The following SEC24C variants were observed in gnomAD, a reference collection of about 807,000 sequenced individuals.
SEC24C encodes the protein SEC24 homolog C, COPII component.
SEC24C carries 22 observed loss-of-function variants against 117.0 expected under a neutral mutation model. The ratio of observed to expected loss-of-function variants is 0.19; its 90% CI spans 0.13 to 0.27. The LOEUF is 0.27. Ranked by LOEUF, SEC24C falls within the 10% of genes least tolerant of loss-of-function variation. The pLI is 1.00. For synonymous variants in SEC24C, 506 were observed against 529.4 expected (o/e 0.96, Z 0.61); for missense variants, 1,155 against 1,375.1 (o/e 0.84, Z 2.53).
chr10:73,754,481 T>C (rs1473322694), intron 3 of SEC24C, among the ~76,000 whole-genome samples: 7 of 152,282 alleles, frequency 4.6e-5, no homozygotes, highest in Admixed American at 3.9e-4. Flanking sequence ...TCCAATTCTA[T>C]TGATTCCACC....
Position 73,758,890 on chromosome 10 carries a change from T to C in SEC24C, c.309-732T>C, listed in dbSNP as rs926555505. Reference sequence around the variant, plus strand: ...GTGTGTGTGAGATGTTTGTATGTTTTTGTGCTGATGGGAATAATCAGAGAG... The same window carrying C: ...GTGTGTGTGAGATGTTTGTATGTTTCTGTGCTGATGGGAATAATCAGAGAG... On this transcript the variant is annotated intron_variant, in intron 3 of 22. Transcript: ENST00000345254. 4.6e-5 allele frequency among the ~76,000 whole-genome samples: 7 copies of C among 152,214 alleles called. No homozygotes were observed. In the East Asian group the frequency reaches 1.3e-3, roughly 29 times the overall value.
intron 12 of SEC24C, 102 bp downstream of exon 12, chr10:73,766,643 T>A: frequency 6.9e-7 from 1 of 1,454,396 alleles, no homozygotes; most frequent in Non-Finnish European, 9.5e-7. Context: ...TGGAAAGGGG[T>A]TGTGGCCCAG....
At chr10:73,753,962 T>C (rs896772343) in intron 3 of SEC24C, among the ~76,000 whole-genome samples, 1 of 152,208 alleles carries the variant, frequency 6.6e-6, no homozygotes, top group Non-Finnish European at 1.5e-5. Context: ...TTATGAGGTT[T>C]TTTTTTTTAA....
At chr10:73,767,479 C>T (rs2082902632) in intron 14 of SEC24C, among the ~76,000 whole-genome samples, 1 of 152,116 alleles carries the variant, frequency 6.6e-6, no homozygotes, top group Non-Finnish European at 1.5e-5. Context: ...ACCAGCCTGA[C>T]TAACATGGCA....
intron 3 of SEC24C, among the ~76,000 whole-genome samples, chr10:73,751,549 A>G (rs1421954290): frequency 6.8e-6 from 1 of 146,498 alleles, no homozygotes; most frequent in African/African-American, 2.6e-5. Context: ...ACTCCGTCTC[A>G]TAAATAAATA....
chr10:73,764,881 AG>A (rs2082857223), intron 8 of SEC24C, among the ~76,000 whole-genome samples: 1 of 152,178 alleles, frequency 6.6e-6, no homozygotes, highest in African/African-American at 2.4e-5. Flanking sequence ...CCAAAGGCTC[AG>A]TTTATATTCT....
intron 14 of SEC24C, among the ~76,000 whole-genome samples, chr10:73,767,400 G>A (rs903693951): frequency 7.9e-5 from 12 of 152,210 alleles, no homozygotes; most frequent in African/African-American, 2.9e-4. Flanking sequence ...CGGGCATGAT[G>A]GCTCATGCCT....
At position 73,771,197 on chromosome 10, in the gene SEC24C, A is replaced by T; in HGVS notation, c.*102A>T. The T allele has an allele frequency of 7.3e-7, 1 of 1,377,016 alleles. No homozygotes were observed. Among genetic ancestry groups the T allele is most frequent in the South Asian group, 1.4e-5 (1 of 73,522 alleles). The allele number at this position is 1,377,016 out of a possible 1,614,324, so 85.3% of individuals were successfully genotyped here. On this transcript the variant is annotated 3_prime_UTR_variant, in exon 23 of 23. Transcript: ENST00000345254. Reference sequence around the variant, plus strand: ...AACATATCTTATGTAAGCTGACCTCAGTCTCTCTGGGGGGAGGGGGAGATA... The same window carrying T: ...AACATATCTTATGTAAGCTGACCTCTGTCTCTCTGGGGGGAGGGGGAGATA...
chr10:73,766,699 A>T (rs2082889268), intron 12 of SEC24C, 61 bp from the exon 13 acceptor site: 1 of 1,514,528 alleles, frequency 6.6e-7, no homozygotes, highest in Non-Finnish European at 9.1e-7. Flanking sequence ...GGGAATCGAG[A>T]ACTGAGGTAT....
chr10:73,757,591 C>G (rs939504614), intron 3 of SEC24C, among the ~76,000 whole-genome samples: 34 of 151,078 alleles, frequency 2.3e-4, no homozygotes, highest in African/African-American at 8.0e-4. Flanking sequence ...TGTAGAACAA[C>G]CACACCTCAG....
At chr10:73,766,889 C>T (rs779016711) in intron 13 of SEC24C, 36 bp downstream of exon 13, 3 of 1,575,438 alleles carry the variant, frequency 1.9e-6, no homozygotes, top group Non-Finnish European at 2.6e-6. Context: ...CCTCTAACTC[C>T]ATTTTCCTCT....
In SEC24C at chr10:73,769,760, G is replaced by A. The variant is rs753914380; in HGVS notation, c.2682+27G>A. ...TGGGGCAAGTATATTAGTGGGAGGTGGGGTTGTTGGGACAAATGTTTGCAT... is the reference window on the plus strand; with the variant it reads ...TGGGGCAAGTATATTAGTGGGAGGTAGGGTTGTTGGGACAAATGTTTGCAT... On this transcript the variant is annotated intron_variant, in intron 19 of 22. Transcript: ENST00000345254. The surrounding 1 kb of genome is among the most constrained non-coding windows in gnomAD (Gnocchi z 4.5). The A allele has an allele frequency of 9.9e-6, 16 of 1,612,496 alleles. No individual in the cohort carries two copies. Among genetic ancestry groups the A allele is most frequent in the African/African-American group, 1.3e-5 (1 of 74,890 alleles).
chr10:73,751,341 ACC>A, intron 3 of SEC24C, 98 bp downstream of exon 3: 1 of 1,231,054 alleles, frequency 8.1e-7, no homozygotes, highest in Non-Finnish European at 1.1e-6. Context: ...TGGGTGGATC[ACC>A]TGAGGTCAGG....
chr10:73,748,375 T>G (rs2082593359), intron 2 of SEC24C, among the ~76,000 whole-genome samples: 1 of 151,850 alleles, frequency 6.6e-6, no homozygotes, highest in African/African-American at 2.4e-5. Context: ...CCTCAAATGA[T>G]TCACCCATCT....
At position 73,755,147 on chromosome 10, in the gene SEC24C, AAAAC is replaced by A. The variant is rs1299824498; in HGVS notation, c.308+3908_308+3911del. On this transcript the variant is annotated intron_variant, in intron 3 of 22. Coordinates refer to ENST00000345254, the MANE Select transcript of SEC24C (RefSeq NM_198597.3). ...GACCCCATCTCAAACAAACAAAAAA[AAAAC>A]AAAAGACAATGAGAAAGAGCAGTAG... Among the ~76,000 whole-genome samples, 8 of 152,238 alleles carry A rather than the reference AAAAC, an allele frequency of 5.3e-5. No homozygotes were observed. The South Asian group carries it at 1.7e-3, about 32-fold the overall frequency.
intron 2 of SEC24C, among the ~76,000 whole-genome samples, chr10:73,748,167 G>T (rs1015256343): frequency 1.3e-5 from 2 of 150,050 alleles, no homozygotes; most frequent in South Asian, 2.1e-4. Context: ...AGACAGTCTC[G>T]CTCTGTTGCC....
At chr10:73,762,003 A>C in intron 6 of SEC24C, 1 of 815,342 alleles carries the variant, frequency 1.2e-6, no homozygotes, top group South Asian at 1.4e-5. Context: ...GTTCATGTCT[A>C]ACTCAACAGG....
intron 3 of SEC24C, among the ~76,000 whole-genome samples, chr10:73,753,415 A>G (rs1207471013): frequency 6.6e-6 from 1 of 152,132 alleles, no homozygotes; most frequent in Admixed American, 6.5e-5. Context: ...CATGCCTATA[A>G]TCCCAGCACT....
chr10:73,764,624 G>A (rs990399804), intron 8 of SEC24C, among the ~76,000 whole-genome samples: 1 of 152,084 alleles, frequency 6.6e-6, no homozygotes, highest in African/African-American at 2.4e-5. Flanking sequence ...ATGATGAGAA[G>A]GACATCATTC....
Sources: allele counts gnomAD v4.1 joint callset (sites outside exome capture counted in the v4.1 genomes callset), GRCh38; gene constraint gnomAD v4.1.1; non-coding constraint Gnocchi (gnomAD v3.1); transcripts MANE v1.5; gene names NCBI Gene and HGNC (gene_info 2026-07-23, HGNC 2026-07-21).